Variants in NEK1 observed in about 807,000 individuals in gnomAD.
The protein encoded by NEK1 is NIMA related kinase 1.
A neutral mutation model predicts 182.1 loss-of-function variants in NEK1; 137 were observed. That is an observed-to-expected ratio of 0.75 (90% CI 0.65 to 0.87). The LOEUF is 0.87. Among genes scored for constraint, NEK1 ranks in the 40% least tolerant of loss-of-function variants. The probability of loss-of-function intolerance (pLI) is 0.00; values close to 1 mark genes in which losing one functional copy is unlikely to be tolerated. For synonymous variants in NEK1, 513 were observed against 492.2 expected (o/e 1.04, Z -0.56); for missense variants, 1,391 against 1,494.4 (o/e 0.93, Z 1.14).
At chr4:169,461,389 T>C (rs761827429) in intron 27 of NEK1, among the ~76,000 whole-genome samples, 4 of 152,156 alleles carry the variant, frequency 2.6e-5, no homozygotes, top group African/African-American at 9.7e-5. Flanking sequence ...TAAAACCGTA[T>C]GGTACTGATA....
intron 27 of NEK1, among the ~76,000 whole-genome samples, chr4:169,459,043 C>G (rs1219211229): frequency 6.7e-6 from 1 of 150,364 alleles, no homozygotes; most frequent in African/African-American, 2.4e-5. Flanking sequence ...AGTCCAAAAT[C>G]TGAAAAAAAA....
In NEK1 at chr4:169,401,651, C is replaced by A; in HGVS notation, c.3583+1G>T. On this transcript the variant is annotated splice_donor_variant, in intron 33 of 35. Coordinates refer to ENST00000507142, the MANE Select transcript of NEK1 (RefSeq NM_001199397.3). LOFTEE classifies it high-confidence loss of function. Reference sequence around the variant, plus strand: ...AAAGGTCCAAAACTCTGATCATGCACCTGAGTGCCATTCTTCGTTCAGGGC... The same window carrying A: ...AAAGGTCCAAAACTCTGATCATGCAACTGAGTGCCATTCTTCGTTCAGGGC... 6.2e-7 allele frequency: 1 copy of A among 1,612,688 alleles called. No individual in the cohort carries two copies. The highest frequency in any genetic ancestry group is 8.5e-7 in the Non-Finnish European group (1 of 1,178,874).
chr4:169,507,707 G>A lies in NEK1; in HGVS notation c.1911+8C>T. 3.7e-6 allele frequency: 6 copies of A among 1,605,726 alleles called. No homozygotes were observed. The highest frequency in any genetic ancestry group is 1.1e-5 in the South Asian group (1 of 90,776). ...TCTAAGAAAACCTGTATCATTTCTA[G>A]TCTATACCTTCAGTGATTCGATTTT... On this transcript the variant is annotated splice_region_variant and intron_variant, in intron 22 of 35. Transcript: ENST00000507142.
intron 19 of NEK1, among the ~76,000 whole-genome samples, chr4:169,531,810 T>G (rs1292152758): frequency 6.6e-6 from 1 of 152,100 alleles, no homozygotes; most frequent in African/African-American, 2.4e-5. Flanking sequence ...ATTATATAGG[T>G]ATGTATATAA....
At chr4:169,533,203 G>A (rs1357223510) in intron 19 of NEK1, among the ~76,000 whole-genome samples, 1 of 152,120 alleles carries the variant, frequency 6.6e-6, no homozygotes, top group South Asian at 2.1e-4. Context: ...TTATCTGGTG[G>A]GACTGACCTA....
chr4:169,527,877 T>C (rs760496413), intron 19 of NEK1, among the ~76,000 whole-genome samples: 1 of 152,088 alleles, frequency 6.6e-6, no homozygotes. Flanking sequence ...AATGAAAAGA[T>C]AGGAATTGTT....
Position 169,394,220 on chromosome 4 carries a change from C to G in NEK1, c.*290G>C. 1 of 271,310 alleles carries G rather than the reference C, an allele frequency of 3.7e-6. No homozygotes were observed. Among genetic ancestry groups the G allele is most frequent in the East Asian group, 9.2e-5 (1 of 10,924 alleles). The allele number at this position is 271,310 out of a possible 1,614,324, so 16.8% of individuals were successfully genotyped here. On this transcript the variant is annotated 3_prime_UTR_variant, in exon 36 of 36. Transcript: ENST00000507142. ...CCTATTGCATAGTAAATCTTCAAAA[C>G]CATTAAGTCAGGTTCTGGGTCAATG...
intron 2 of NEK1, among the ~76,000 whole-genome samples, chr4:169,611,095 T>G (rs1772248785): frequency 6.6e-6 from 1 of 152,228 alleles, no homozygotes; most frequent in Non-Finnish European, 1.5e-5. Context: ...AAATAAAGAA[T>G]GTACATTCGT....
At chr4:169,596,786 T>C (rs568421378) in intron 5 of NEK1, among the ~76,000 whole-genome samples, 2 of 152,362 alleles carry the variant, frequency 1.3e-5, no homozygotes, top group South Asian at 4.1e-4. Context: ...AAATGACCTC[T>C]TCCTATTTTA....
intron 9 of NEK1, among the ~76,000 whole-genome samples, 160 bp downstream of exon 9, chr4:169,587,399 C>T (rs961514565): frequency 2.6e-5 from 4 of 151,408 alleles, no homozygotes; most frequent in African/African-American, 9.7e-5. Flanking sequence ...AAAGGGAAAT[C>T]GATTTATACT....
rs58933123 is a variant in NEK1 at position 169,480,510 on chromosome 4, T to TAAAAAA, written c.2008-982_2008-977dup. Among the ~76,000 whole-genome samples, 701 of 100,222 alleles carry TAAAAAA rather than the reference T, an allele frequency of 7.0e-3. 9 individuals are homozygous for TAAAAAA. Among genetic ancestry groups the TAAAAAA allele is most frequent in the African/African-American group, 0.021 (643 of 30,654 alleles). 65.7% of individuals were successfully genotyped at this position (100,222 alleles called of 152,430 possible). Reference sequence around the variant, plus strand: ...CACACCTTAATAAACACCTCATTCCTAAAAAAAAAAAAAAAAAAAAGCTAA... The same window carrying TAAAAAA: ...CACACCTTAATAAACACCTCATTCCTAAAAAAAAAAAAAAAAAAAAAAAAAAGCTAA... On this transcript the variant is annotated intron_variant, in intron 23 of 35. Transcript: ENST00000507142.
At chr4:169,412,855 C>G (rs1733896392) in intron 31 of NEK1, among the ~76,000 whole-genome samples, 1 of 141,550 alleles carries the variant, frequency 7.1e-6, no homozygotes. Flanking sequence ...AGCCATAGGT[C>G]TCTGCTGGAA....
chr4:169,473,397 G>A (rs1746377624), intron 26 of NEK1, among the ~76,000 whole-genome samples: 1 of 151,762 alleles, frequency 6.6e-6, no homozygotes, highest in South Asian at 2.1e-4. Flanking sequence ...TATCTATTGG[G>A]GTACCAATAC....
At chr4:169,558,811 T>C (rs1203654574) in intron 16 of NEK1, among the ~76,000 whole-genome samples, 2 of 152,214 alleles carry the variant, frequency 1.3e-5, no homozygotes, top group African/African-American at 2.4e-5. Flanking sequence ...TGGATATTTA[T>C]ACTATGAATA....
At chr4:169,510,019 T>C (rs1285789846) in intron 19 of NEK1, among the ~76,000 whole-genome samples, 1 of 152,212 alleles carries the variant, frequency 6.6e-6, no homozygotes, top group Non-Finnish European at 1.5e-5. Flanking sequence ...ACTATACAAA[T>C]GTTCTATAAT....
intron 18 of NEK1, among the ~76,000 whole-genome samples, chr4:169,541,204 T>TA (rs1214165745): frequency 5.3e-5 from 8 of 152,134 alleles, no homozygotes; most frequent in African/African-American, 1.9e-4. Flanking sequence ...AGCTTCCTCT[T>TA]AAGGGGCATG....
intron 12 of NEK1, among the ~76,000 whole-genome samples, chr4:169,563,203 T>C (rs1483094646): frequency 6.6e-6 from 1 of 151,784 alleles, no homozygotes; most frequent in Non-Finnish European, 1.5e-5. Context: ...CTACAAAAAA[T>C]TTTTAAAAAT....
intron 19 of NEK1, among the ~76,000 whole-genome samples, chr4:169,522,395 C>A (rs1036310070): frequency 1.3e-5 from 2 of 152,168 alleles, no homozygotes; most frequent in Non-Finnish European, 2.9e-5. Flanking sequence ...ATTTCTCACA[C>A]AAATTGTGTT....
intron 29 of NEK1, among the ~76,000 whole-genome samples, chr4:169,428,313 T>A (rs1736752393): frequency 7.3e-6 from 1 of 136,286 alleles, no homozygotes; most frequent in Admixed American, 8.3e-5. Flanking sequence ...GGAAACAACC[T>A]ACGTGCCCAT....
Sources: gnomAD v4.1 joint callset for allele counts (sites outside exome capture counted in the v4.1 genomes callset) on GRCh38, gnomAD v4.1.1 for gene constraint, MANE v1.5 for transcripts, NCBI Gene and HGNC (gene_info 2026-07-23, HGNC 2026-07-21) for gene names.